Variants in AMBRA1 observed in about 807,000 individuals in gnomAD.
AMBRA1 encodes the protein autophagy and beclin 1 regulator 1, also known as activating molecule in BECN1-regulated autophagy protein 1.
In AMBRA1, 47 loss-of-function variants were observed where a neutral mutation model predicts 125.4. That is an observed-to-expected ratio of 0.37 (90% CI 0.30 to 0.48). The LOEUF is 0.48. AMBRA1 is among the 20% of genes least tolerant of loss of function. The pLI is 0.99. For synonymous variants in AMBRA1, 626 were observed against 655.5 expected (o/e 0.95, Z 0.69); for missense variants, 1,331 against 1,693.4 (o/e 0.79, Z 3.76).
At chr11:46,477,953 A>G (rs2136907989) in intron 11 of AMBRA1, among the ~76,000 whole-genome samples, 1 of 152,146 alleles carries the variant, frequency 6.6e-6, no homozygotes, top group African/African-American at 2.4e-5. Flanking sequence ...TTTGTATTTT[A>G]AAAGAACTCT....
At position 46,433,430 on chromosome 11, in the gene AMBRA1, T is replaced by G. The variant is rs1947549191; in HGVS notation, c.2976+44A>C. On this transcript the variant is annotated intron_variant, in intron 14 of 17. Transcript: ENST00000683756. ...TGTCCCCTCATTACCCTTCCAAGCCTAGGGGAGCTGCCATACAGTGAAGGC... is the reference window on the plus strand; with the variant it reads ...TGTCCCCTCATTACCCTTCCAAGCCGAGGGGAGCTGCCATACAGTGAAGGC... 5 of 1,602,602 alleles carry G rather than the reference T, an allele frequency of 3.1e-6. No individual in the cohort carries two copies. The South Asian group carries it at 4.4e-5, about 14-fold the overall frequency.
At chr11:46,466,953 C>T (rs1949356244) in intron 11 of AMBRA1, among the ~76,000 whole-genome samples, 1 of 135,196 alleles carries the variant, frequency 7.4e-6, no homozygotes, top group Non-Finnish European at 1.5e-5. Flanking sequence ...GAGTCTCGCT[C>T]TGTTGCCAGG....
At chr11:46,410,448 C>G in intron 15 of AMBRA1, 80 bp from the exon 16 acceptor site, 1 of 1,256,850 alleles carries the variant, frequency 8.0e-7, no homozygotes, top group Non-Finnish European at 1.2e-6. Context: ...AAACTCCTGG[C>G]TTTGTGGACT....
At chr11:46,496,077 G>C (rs1247852318) in intron 9 of AMBRA1, among the ~76,000 whole-genome samples, 1 of 151,760 alleles carries the variant, frequency 6.6e-6, no homozygotes. Flanking sequence ...TCTCTTTAAA[G>C]AAAGATAGAA....
At chr11:46,448,176 A>G (rs2136773976) in intron 11 of AMBRA1, among the ~76,000 whole-genome samples, 1 of 152,256 alleles carries the variant, frequency 6.6e-6, no homozygotes, top group East Asian at 1.9e-4. Flanking sequence ...CCTTGAAAAC[A>G]GCCCAGGCCA....
intron 11 of AMBRA1, among the ~76,000 whole-genome samples, chr11:46,485,174 G>A (rs936998607): frequency 1.3e-5 from 2 of 152,166 alleles, no homozygotes; most frequent in African/African-American, 4.8e-5. Flanking sequence ...CTGACCTCAG[G>A]TGATCCGCCC....
chr11:46,575,276 G>T (rs1167723959), intron 1 of AMBRA1, among the ~76,000 whole-genome samples: 1 of 151,890 alleles, frequency 6.6e-6, no homozygotes, highest in Non-Finnish European at 1.5e-5. Context: ...TGACCAACAT[G>T]GTGTAATCCC....
intron 11 of AMBRA1, among the ~76,000 whole-genome samples, chr11:46,489,139 A>C (rs1446175360): frequency 6.6e-6 from 1 of 152,070 alleles, no homozygotes; most frequent in African/African-American, 2.4e-5. Flanking sequence ...ATATGTATAC[A>C]TGTGCCATGC....
intron 1 of AMBRA1, among the ~76,000 whole-genome samples, chr11:46,566,420 GAA>G (rs1016807453): frequency 6.0e-5 from 8 of 133,070 alleles, no homozygotes; most frequent in East Asian, 2.1e-4. Flanking sequence ...TACATCTCAA[GAA>G]AAAAAAAAAA....
At chr11:46,573,477 A>G (rs983181798) in intron 1 of AMBRA1, among the ~76,000 whole-genome samples, 1 of 152,050 alleles carries the variant, frequency 6.6e-6, no homozygotes, top group African/African-American at 2.4e-5. Context: ...TAAGGGCAGA[A>G]TAACTGCACT....
intron 11 of AMBRA1, among the ~76,000 whole-genome samples, chr11:46,479,158 A>G (rs1304850285): frequency 6.6e-6 from 1 of 151,998 alleles, no homozygotes; most frequent in African/African-American, 2.4e-5. Flanking sequence ...TAATCAAACC[A>G]CTGCATTCCA....
rs141874750 is a variant in AMBRA1, at chr11:46,407,005, C to T, written c.3403+1508G>A. ...ACCAGCCTGGACAACATGGTGAAAC[C>T]CTGTCTCTACTAAAAATACAGAAAT... On this transcript the variant is annotated intron_variant, in intron 17 of 17. Coordinates refer to ENST00000683756, the MANE Select transcript of AMBRA1 (RefSeq NM_001387011.1). Among the ~76,000 whole-genome samples, 61 of 152,114 alleles carry T rather than the reference C, an allele frequency of 4.0e-4. No individual in the cohort carries two copies. In the East Asian group the frequency reaches 0.011, roughly 28 times the overall value.
chr11:46,568,590 G>A (rs1048940396), intron 1 of AMBRA1, among the ~76,000 whole-genome samples: 2 of 151,858 alleles, frequency 1.3e-5, no homozygotes, highest in Middle Eastern at 3.4e-3. Flanking sequence ...CTGACCAACA[G>A]AGACACCCCA....
chr11:46,473,107 CAATT>C (rs747018983), intron 11 of AMBRA1, among the ~76,000 whole-genome samples: 4 of 152,208 alleles, frequency 2.6e-5, no homozygotes, highest in Non-Finnish European at 4.4e-5. Flanking sequence ...AAAGCCTCCT[CAATT>C]AAGAGGTCAA....
chr11:46,452,713 T>C (rs1478327867), intron 11 of AMBRA1, among the ~76,000 whole-genome samples: 1 of 152,192 alleles, frequency 6.6e-6, no homozygotes, highest in African/African-American at 2.4e-5. Context: ...TCAGTCACAC[T>C]CACTCTAATC....
chr11:46,419,302 A>G (rs1331559026), intron 14 of AMBRA1, among the ~76,000 whole-genome samples: 1 of 152,212 alleles, frequency 6.6e-6, no homozygotes, highest in African/African-American at 2.4e-5. Flanking sequence ...TTTAGAAGCA[A>G]CTTAATCAGA....
chr11:46,500,170 C>T (rs1238338382), intron 9 of AMBRA1, among the ~76,000 whole-genome samples: 2 of 152,182 alleles, frequency 1.3e-5, no homozygotes, highest in Non-Finnish European at 2.9e-5. Context: ...GTGGGGCCAG[C>T]AGGCATTGAC....
At chr11:46,462,720 T>TC (rs1403683857) in intron 11 of AMBRA1, among the ~76,000 whole-genome samples, 4 of 151,520 alleles carry the variant, frequency 2.6e-5, no homozygotes, top group Admixed American at 1.3e-4. Flanking sequence ...ATCCCTCATC[T>TC]CCCCATTCAA....
At chr11:46,429,522 G>A (rs557056211) in intron 14 of AMBRA1, among the ~76,000 whole-genome samples, 3 of 152,082 alleles carry the variant, frequency 2.0e-5, no homozygotes, top group Non-Finnish European at 2.9e-5. Flanking sequence ...CCCTAGCTTC[G>A]TCCTCATGTC....
Sources: gnomAD v4.1 joint callset for allele counts (sites outside exome capture counted in the v4.1 genomes callset) on GRCh38, gnomAD v4.1.1 for gene constraint, MANE v1.5 for transcripts, NCBI Gene and HGNC (gene_info 2026-07-23, HGNC 2026-07-21) for gene names.